The following CCDC22 variants were observed in gnomAD, a reference collection of about 807,000 sequenced individuals.
CCDC22 encodes CCC complex scaffolding subunit CCDC22.
A neutral mutation model predicts 53.1 loss-of-function variants in CCDC22; 4 were observed. That is an observed-to-expected ratio of 0.08 (90% CI 0.04 to 0.17). CCDC22 has a LOEUF of 0.17. Among genes scored for constraint, CCDC22 ranks in the 10% least tolerant of loss-of-function variants. The pLI, the probability that CCDC22 is intolerant of heterozygous loss-of-function variation, is 1.00. For synonymous variants in CCDC22, 222 were observed against 224.4 expected (o/e 0.99, Z 0.10); for missense variants, 458 against 554.0 (o/e 0.83, Z 1.74).
At chrX:49,239,585 C>T (rs1033339647) in intron 2 of CCDC22, among the ~76,000 whole-genome samples, 2 of 110,372 alleles carry the variant, frequency 1.8e-5, no homozygotes, top group Non-Finnish European at 3.8e-5. Flanking sequence ...TAAATTTGGG[C>T]CTTGCTTATG....
chrX:49,243,699 G>T (rs2065975395), intron 6 of CCDC22, among the ~76,000 whole-genome samples: 1 of 112,752 alleles, frequency 8.9e-6, no homozygotes. Flanking sequence ...TAGTAATAGT[G>T]CTCTCCTCTC....
chrX:49,250,174 C>T lies in CCDC22; in HGVS notation c.1797C>T (p.Thr599=). The part of the protein sequence containing the change: ...EQIETELGKK[T]LSNLEKIRED... The stretch of plus-strand genomic sequence containing the variant: ...TCGAGACAGAGCTGGGCAAGAAGAC[C>T]CTCAGCAACCTGGAGAAGATCCGGG... Residue 599 remains threonine (T), a synonymous_variant, in exon 17 of 17, where the codon ACC becomes ACT. Coordinates refer to ENST00000376227, the MANE Select transcript of CCDC22 (RefSeq NM_014008.5). 1 of 1,162,768 alleles carries T rather than the reference C, an allele frequency of 8.6e-7. No homozygotes were observed. Among genetic ancestry groups the T allele is most frequent in the South Asian group, 1.9e-5 (1 of 52,650 alleles).
chrX:49,248,947 G>A lies in CCDC22; in HGVS notation c.1539+23G>A, dbSNP rs140278467. The A allele has an allele frequency of 1.2e-3, 1,426 of 1,199,804 alleles. 13 individuals carry two copies. The African/African-American group carries it at 0.019, about 16-fold the overall frequency. The stretch of plus-strand genomic sequence containing the variant: ...AAGGTACACTGCCAGGGCCATGGAG[G>A]GTGGGTCATGTGGGCTGTCAGGCAT... On this transcript the variant is annotated intron_variant, in intron 13 of 16. Coordinates refer to ENST00000376227, the MANE Select transcript of CCDC22 (RefSeq NM_014008.5).
At position 49,235,826 on chromosome X, in the gene CCDC22, T is replaced by TACACACAC. The variant is rs797042658; in HGVS notation, c.50+171_50+178dup. The TACACACAC allele has an allele frequency of 7.7e-3, 1,860 of 242,879 alleles. 54 individuals are homozygous for TACACACAC. Among genetic ancestry groups the TACACACAC allele is most frequent in the African/African-American group, 0.064 (1,421 of 22,270 alleles). The allele number at this position is 242,879 out of a possible 1,213,427, so 20.0% of individuals were successfully genotyped here. A position where few individuals can be genotyped will look rare whatever the true frequency, so the allele number is the denominator to read the frequency against. The stretch of plus-strand genomic sequence containing the variant: ...CAGGATCCTAAGACCCTCACCCCCT[T>TACACACAC]ACACACACACACACACACACACACA... On this transcript the variant is annotated intron_variant, in intron 1 of 16. Transcript: ENST00000376227.
chrX:49,249,415 G>C, intron 14 of CCDC22, 94 bp from the exon 15 acceptor site: 3 of 935,983 alleles, frequency 3.2e-6, no homozygotes, highest in Non-Finnish European at 3.1e-6. Context: ...GGAGGATGAA[G>C]CTAGTGGGGT....
chrX:49,246,275 AATG>A (rs1349090730), intron 6 of CCDC22, among the ~76,000 whole-genome samples: 1 of 112,361 alleles, frequency 8.9e-6, no homozygotes, highest in African/African-American at 3.2e-5. Flanking sequence ...CCCGGCCAAC[AATG>A]ATATCTTAAT....
rs1417250080 is a variant in CCDC22, at chrX:49,248,634, T to C, written c.1331T>C (p.Leu444Pro). Residue 444 changes from leucine (L) to proline (P), a missense_variant and splice_region_variant, in exon 12 of 17, where the codon CTG becomes CCG. Physicochemically the swap from Leu to Pro is moderately conservative, Grantham distance 98 (BLOSUM62 -3). Around this residue, in one of 4 missense-constraint regions of CCDC22, gnomAD observed 309 missense variants for 312.3 expected, o/e 0.99. Transcript: ENST00000376227. ...CTTCTGCCTGTGGGCTCATGGCAGC[T>C]GGAATCTTCTCGACGGCTGGCAGAG... Reference protein sequence around the residue: ...HLRKLQDCRELESSRRLAEIQ... With the variant: ...HLRKLQDCREPESSRRLAEIQ... The C allele has an allele frequency of 3.3e-6, 4 of 1,209,278 alleles. 1 individual carries two copies. The highest frequency in any genetic ancestry group is 2.2e-5 in the Admixed American group (1 of 45,864).
rs989260622 is a variant in CCDC22 at position 49,237,183 on chromosome X, G to A, written c.148G>A (p.Gly50Ser). Residue 50 changes from glycine (G) to serine (S), a missense_variant, in exon 2 of 17, where the codon GGC becomes AGC. By Grantham distance (56) the Gly-to-Ser change is moderately conservative. Around this residue, in one of 4 missense-constraint regions of CCDC22, gnomAD observed 55 missense variants for 106.0 expected, o/e 0.52. Coordinates refer to ENST00000376227, the MANE Select transcript of CCDC22 (RefSeq NM_014008.5). ...RCLRVINPAVGSGLSPLLPLA... is the reference protein window; with the variant it reads ...RCLRVINPAVSSGLSPLLPLA... ...CCTGCGTGTGATCAACCCTGCGGTGGGCTCTGGCCTCAGCCCTCTGCTGCC... is the reference window on the plus strand; with the variant it reads ...CCTGCGTGTGATCAACCCTGCGGTGAGCTCTGGCCTCAGCCCTCTGCTGCC... 24 of 1,210,824 alleles carry A rather than the reference G, an allele frequency of 2.0e-5. No homozygotes were observed. Among genetic ancestry groups the A allele is most frequent in the Non-Finnish European group, 2.7e-5 (24 of 895,341 alleles).
chrX:49,242,812 GCT>G, intron 3 of CCDC22, 72 bp from the exon 4 acceptor site: 3 of 605,943 alleles, frequency 5.0e-6, no homozygotes, highest in Non-Finnish European at 7.5e-6. Context: ...AGGAGTGGAG[GCT>G]GGTCTCCTAG....
Position 49,241,914 on chromosome X carries a change from G to A in CCDC22, c.229-102G>A, listed in dbSNP as rs782038499. The A allele has an allele frequency of 1.8e-4, 174 of 952,989 alleles. No homozygotes were observed. The African/African-American group carries it at 3.1e-3, about 17-fold the overall frequency. The allele number at this position is 952,989 out of a possible 1,213,427, so 78.5% of individuals were successfully genotyped here. On this transcript the variant is annotated intron_variant, in intron 2 of 16. Transcript: ENST00000376227. ...TGGGGAGCTGGGGGAGGTTGGGAGG[G>A]TGGTGGTTAGTGAGAAAGTGGGAGC...
chrX:49,245,789 C>A (rs2065986221), intron 6 of CCDC22, among the ~76,000 whole-genome samples: 2 of 112,260 alleles, frequency 1.8e-5, no homozygotes, highest in African/African-American at 6.5e-5. Flanking sequence ...CCAACTTTTT[C>A]TTTGTTGCTG....
In CCDC22 at chrX:49,248,230, G is replaced by C; in HGVS notation, c.1132G>C (p.Glu378Gln). ...CCGGCACAGCAAGCTCAGTACAGCA[G>C]AGCGTGAGCAGGCCCTGCGCCTGAA... Reference protein sequence around the residue: ...ECRHSKLSTAEREQALRLKSR... With the variant: ...ECRHSKLSTAQREQALRLKSR... The change falls in exon 10 of 17, where the codon GAG becomes CAG. Residue 378 changes from glutamate (E) to glutamine (Q), a missense_variant. Around this residue, in one of 4 missense-constraint regions of CCDC22, gnomAD observed 309 missense variants for 312.3 expected, o/e 0.99. Transcript: ENST00000376227. 3.3e-6 allele frequency: 4 copies of C among 1,206,032 alleles called. No individual in the cohort carries two copies. The highest frequency in any genetic ancestry group is 4.5e-6 in the Non-Finnish European group (4 of 895,288).
intron 1 of CCDC22, among the ~76,000 whole-genome samples, chrX:49,236,272 A>C (rs2065937975): frequency 9.4e-6 from 1 of 106,468 alleles, no homozygotes; most frequent in South Asian, 4.2e-4. Flanking sequence ...CAGTGGGGTG[A>C]TCTCAGCTCA....
intron 14 of CCDC22, 88 bp downstream of exon 14, chrX:49,249,350 C>G: frequency 4.4e-6 from 4 of 912,784 alleles, no homozygotes; most frequent in Non-Finnish European, 6.3e-6. Context: ...GGTCCAGACC[C>G]AGGCCCTGTG....
At chrX:49,249,764 G>C (rs968235670) in intron 16 of CCDC22, 39 bp downstream of exon 16, 2 of 1,064,480 alleles carry the variant, frequency 1.9e-6, no homozygotes, top group Admixed American at 2.2e-5. Flanking sequence ...AAGGCGGGCC[G>C]GGGGGACAGT....
At chrX:49,246,197 C>G (rs1173767769) in intron 6 of CCDC22, among the ~76,000 whole-genome samples, 1 of 111,556 alleles carries the variant, frequency 9.0e-6, no homozygotes, top group East Asian at 2.8e-4. Flanking sequence ...GTCTTGATCT[C>G]CTGACCTCAG....
intron 1 of CCDC22, 71 bp downstream of exon 1, chrX:49,235,757 G>A: frequency 5.1e-6 from 5 of 979,107 alleles, no homozygotes; most frequent in Non-Finnish European, 5.6e-6. Context: ...CCCGTTTCCC[G>A]GGAACCTTAA....
chrX:49,249,844 T>G (rs2066016227), intron 16 of CCDC22, 119 bp downstream of exon 16: 2 of 632,102 alleles, frequency 3.2e-6, no homozygotes, highest in Admixed American at 5.5e-5. Flanking sequence ...GCCCTGCCCC[T>G]TAGTGCCTGT....
intron 7 of CCDC22, 70 bp downstream of exon 7, chrX:49,246,995 G>A: frequency 1.1e-6 from 1 of 882,657 alleles, no homozygotes; most frequent in Non-Finnish European, 1.6e-6. Flanking sequence ...TTTTGTGTCA[G>A]CACCACACCT....
Sources: allele counts gnomAD v4.1 joint callset (sites outside exome capture counted in the v4.1 genomes callset), GRCh38; gene constraint gnomAD v4.1.1; regional missense constraint gnomAD v4.1.1; transcripts MANE v1.5; gene names NCBI Gene and HGNC (gene_info 2026-07-23, HGNC 2026-07-21).